The following GRM7 variants were observed in gnomAD, a reference collection of about 807,000 sequenced individuals.
The protein encoded by GRM7 is glutamate metabotropic receptor 7.
A neutral mutation model predicts 84.5 loss-of-function variants in GRM7; 35 were observed. That is an observed-to-expected ratio of 0.41 (90% confidence interval 0.32 to 0.55). The LOEUF (loss-of-function observed/expected upper bound fraction) is 0.55. GRM7 is among the 20% of genes least tolerant of loss of function. GRM7 has a pLI of 0.19. For synonymous variants in GRM7, 487 were observed against 455.1 expected (o/e 1.07, Z -0.89); for missense variants, 1,003 against 1,194.6 (o/e 0.84, Z 2.36).
At chr3:7,032,778 T>G (rs1463571477) in intron 1 of GRM7, among the ~76,000 whole-genome samples, 1 of 152,172 alleles carries the variant, frequency 6.6e-6, no homozygotes, top group Non-Finnish European at 1.5e-5. Flanking sequence ...TTGACAATCT[T>G]CTAGTTCTCA....
intron 2 of GRM7, among the ~76,000 whole-genome samples, chr3:7,259,875 C>A (rs528808830): frequency 4.0e-5 from 6 of 151,104 alleles, no homozygotes; most frequent in African/African-American, 1.5e-4. Context: ...ACACTGCGTT[C>A]CACAATGGTT....
At chr3:7,561,557 G>T in intron 7 of GRM7, 1 of 456,542 alleles carries the variant, frequency 2.2e-6, no homozygotes, top group Non-Finnish European at 4.4e-6. Flanking sequence ...CCAGGACATC[G>T]TAGTACCCTT....
At chr3:7,340,139 G>A (rs191128613) in intron 4 of GRM7, among the ~76,000 whole-genome samples, 10 of 152,044 alleles carry the variant, frequency 6.6e-5, no homozygotes, top group African/African-American at 1.2e-4. Flanking sequence ...AAATAATAAG[G>A]TTCTTTTAAA....
chr3:7,540,319 G>A (rs2125014596), intron 7 of GRM7, among the ~76,000 whole-genome samples: 1 of 152,224 alleles, frequency 6.6e-6, no homozygotes. Context: ...CCAAAGAGTG[G>A]AAATTACCCA....
intron 1 of GRM7, among the ~76,000 whole-genome samples, chr3:6,886,255 G>A (rs375723341): frequency 2.0e-5 from 3 of 152,052 alleles, no homozygotes; most frequent in African/African-American, 4.8e-5. Context: ...GTGTAGTCCC[G>A]CATGTTGTCA....
intron 1 of GRM7, among the ~76,000 whole-genome samples, chr3:7,065,652 A>T (rs1309331514): frequency 1.3e-5 from 2 of 151,916 alleles, no homozygotes; most frequent in East Asian, 3.9e-4. Flanking sequence ...CTTTTTGCTT[A>T]GTCTTGCTTT....
Position 7,095,217 on chromosome 3 carries a change from A to T in GRM7, c.520-51235A>T, listed in dbSNP as rs543129699. ...TAATCTTCCCTAAACCTCTGAAAAG[A>T]AGGTAAATAGCTTTAATTATCTGAC... On this transcript the variant is annotated intron_variant, in intron 1 of 9. Coordinates refer to ENST00000357716, the MANE Select transcript of GRM7 (RefSeq NM_000844.4). Among the ~76,000 whole-genome samples the T allele has an allele frequency of 3.9e-5, 6 of 152,302 alleles. No homozygotes were observed. The South Asian group carries it at 6.2e-4, about 16-fold the overall frequency.
At chr3:7,457,714 T>G (rs1392810401) in intron 6 of GRM7, among the ~76,000 whole-genome samples, 1 of 152,162 alleles carries the variant, frequency 6.6e-6, no homozygotes, top group Non-Finnish European at 1.5e-5. Flanking sequence ...AGGCAAAATG[T>G]TTTTGTCTAG....
intron 1 of GRM7, among the ~76,000 whole-genome samples, chr3:7,105,851 C>A (rs994525240): frequency 1.3e-5 from 2 of 151,476 alleles, no homozygotes; most frequent in African/African-American, 2.4e-5. Context: ...ATTGAATGTA[C>A]ACAATAATAT....
intron 7 of GRM7, among the ~76,000 whole-genome samples, chr3:7,529,400 C>G (rs762277940): frequency 6.6e-6 from 1 of 152,088 alleles, no homozygotes. Context: ...GCTGTCTATT[C>G]GCACATCCAT....
rs58178956 is a variant in GRM7 at position 7,566,103 on chromosome 3, G to GTTT, written c.1516-12292_1516-12290dup. On this transcript the variant is annotated intron_variant, in intron 7 of 9. Coordinates refer to ENST00000357716, the MANE Select transcript of GRM7 (RefSeq NM_000844.4). ...TGTTTTCTTTGGCTCTGAATCAGCT[G>GTTT]TTTTTTTTTTTTTTTTTTTTTTTTT... 4.8e-4 allele frequency among the ~76,000 whole-genome samples: 62 copies of GTTT among 129,994 alleles called. 1 individual carries two copies. The highest frequency in any genetic ancestry group is 6.6e-4 in the African/African-American group (22 of 33,422). 85.3% of individuals were successfully genotyped at this position (129,994 alleles called of 152,430 possible). A position where few individuals can be genotyped will look rare whatever the true frequency, so the allele number is the denominator to read the frequency against.
At chr3:7,397,406 G>A (rs535216747) in intron 4 of GRM7, among the ~76,000 whole-genome samples, 1 of 152,248 alleles carries the variant, frequency 6.6e-6, no homozygotes, top group East Asian at 1.9e-4. Context: ...AGGGTGAAAA[G>A]GGTAGCGGGG....
At chr3:7,492,063 CAT>C (rs1699539207) in intron 7 of GRM7, among the ~76,000 whole-genome samples, 1 of 152,172 alleles carries the variant, frequency 6.6e-6, no homozygotes, top group African/African-American at 2.4e-5. Context: ...AGGAATCCCA[CAT>C]AGTCATGGTG....
intron 1 of GRM7, among the ~76,000 whole-genome samples, chr3:6,897,352 A>T (rs546594547): frequency 1.3e-5 from 2 of 152,272 alleles, no homozygotes; most frequent in East Asian, 3.9e-4. Context: ...TCTGGGATTG[A>T]GCCCCAGTGT....
intron 1 of GRM7, among the ~76,000 whole-genome samples, chr3:6,923,057 C>T (rs893725712): frequency 6.6e-6 from 1 of 151,750 alleles, no homozygotes; most frequent in African/African-American, 2.4e-5. Context: ...GCTCTGTTGC[C>T]CAGCTGGAGT....
intron 1 of GRM7, among the ~76,000 whole-genome samples, chr3:6,894,181 C>A (rs1408641948): frequency 6.6e-6 from 1 of 152,116 alleles, no homozygotes; most frequent in Non-Finnish European, 1.5e-5. Flanking sequence ...ACACCTAGTT[C>A]ATTTCTCTCT....
chr3:7,686,424 A>G (rs781193492), intron 9 of GRM7: 37 of 1,526,520 alleles, frequency 2.4e-5, no homozygotes, highest in Non-Finnish European at 2.5e-5. Context: ...CACCAACAGT[A>G]TAGCTTTTGA....
intron 9 of GRM7, among the ~76,000 whole-genome samples, chr3:7,735,057 G>C (rs1197220551): frequency 2.1e-5 from 3 of 145,842 alleles, no homozygotes; most frequent in African/African-American, 8.2e-5. Context: ...ACAAAAAAAA[G>C]TACTTCTTTT....
At chr3:7,144,630 C>G (rs1022653164) in intron 1 of GRM7, among the ~76,000 whole-genome samples, 3 of 152,136 alleles carry the variant, frequency 2.0e-5, no homozygotes, top group Non-Finnish European at 4.4e-5. Context: ...TTCCAGGCAT[C>G]GTGCAAAGCA....
Sources: gnomAD v4.1 joint callset for allele counts (sites outside exome capture counted in the v4.1 genomes callset) on GRCh38, gnomAD v4.1.1 for gene constraint, MANE v1.5 for transcripts, NCBI Gene and HGNC (gene_info 2026-07-23, HGNC 2026-07-21) for gene names.